Variants in MAGI1 observed in about 807,000 individuals in gnomAD.
MAGI1 encodes the protein membrane-associated guanylate kinase, WW and PDZ domain-containing protein 1.
MAGI1 carries 58 observed loss-of-function variants against 139.9 expected under a neutral mutation model. That is an observed-to-expected ratio of 0.41 (90% CI 0.34 to 0.52). MAGI1 has a LOEUF of 0.52. MAGI1 is among the 20% of genes least tolerant of loss of function. The probability of loss-of-function intolerance (pLI) is 0.12; values close to 1 mark genes in which losing one functional copy is unlikely to be tolerated. For synonymous variants in MAGI1, 812 were observed against 737.9 expected (o/e 1.10, Z -1.63); for missense variants, 1,874 against 1,901.6 (o/e 0.99, Z 0.27).
chr3:65,716,728 G>A (rs2107670479), intron 1 of MAGI1, among the ~76,000 whole-genome samples: 1 of 152,268 alleles, frequency 6.6e-6, no homozygotes, highest in East Asian at 1.9e-4. Flanking sequence ...AATAAACTCT[G>A]CATTCAATGA....
intron 1 of MAGI1, among the ~76,000 whole-genome samples, chr3:65,826,047 G>A (rs2042210671): frequency 6.6e-6 from 1 of 151,860 alleles, no homozygotes; most frequent in African/African-American, 2.4e-5. Context: ...GTATTTTATA[G>A]GTATACCACT....
chr3:66,000,022 G>C (rs1321092192), intron 1 of MAGI1, among the ~76,000 whole-genome samples: 2 of 137,574 alleles, frequency 1.5e-5, no homozygotes, highest in Admixed American at 1.7e-4. Flanking sequence ...CCCCAGGCTG[G>C]AGTGCAGTGG....
At chr3:65,968,243 A>G (rs1023650035) in intron 1 of MAGI1, among the ~76,000 whole-genome samples, 1 of 152,222 alleles carries the variant, frequency 6.6e-6, no homozygotes, top group African/African-American at 2.4e-5. Flanking sequence ...CACCTTTTGA[A>G]CCAGGAAAGT....
At chr3:66,014,049 G>A (rs374181074) in intron 1 of MAGI1, among the ~76,000 whole-genome samples, 1 of 152,252 alleles carries the variant, frequency 6.6e-6, no homozygotes, top group East Asian at 1.9e-4. Context: ...CCTGCTTGCT[G>A]TAAACTACAC....
chr3:65,678,114 T>G (rs528902992), intron 1 of MAGI1, among the ~76,000 whole-genome samples: 11 of 151,618 alleles, frequency 7.3e-5, no homozygotes, highest in Non-Finnish European at 1.5e-4. Flanking sequence ...TAAGTGGGAG[T>G]TGAACAATGA....
chr3:66,015,309 T>A (rs898151882), intron 1 of MAGI1, among the ~76,000 whole-genome samples: 1 of 152,004 alleles, frequency 6.6e-6, no homozygotes, highest in African/African-American at 2.4e-5. Flanking sequence ...GACCTGGATA[T>A]AAAGCCCTGG....
chr3:65,831,149 T>C (rs1173233418), intron 1 of MAGI1, among the ~76,000 whole-genome samples: 4 of 152,164 alleles, frequency 2.6e-5, no homozygotes, highest in Non-Finnish European at 5.9e-5. Flanking sequence ...TTTGTCCTGT[T>C]CCTCACTTCT....
chr3:65,803,214 G>A (rs1397894546), intron 1 of MAGI1, among the ~76,000 whole-genome samples: 1 of 152,066 alleles, frequency 6.6e-6, no homozygotes, highest in Non-Finnish European at 1.5e-5. Flanking sequence ...ATTAAAAATA[G>A]TATTAGGAAT....
At chr3:65,667,371 C>G (rs2107438202) in intron 1 of MAGI1, among the ~76,000 whole-genome samples, 1 of 152,160 alleles carries the variant, frequency 6.6e-6, no homozygotes, top group African/African-American at 2.4e-5. Flanking sequence ...TGGCCGATTC[C>G]TGGGAGAAAA....
At chr3:65,952,938 T>TA (rs2063938873) in intron 1 of MAGI1, among the ~76,000 whole-genome samples, 1 of 152,216 alleles carries the variant, frequency 6.6e-6, no homozygotes, top group African/African-American at 2.4e-5. Flanking sequence ...CATGTGCAGA[T>TA]ACTGTTCTAA....
At chr3:65,555,244 C>G (rs1471366632) in intron 2 of MAGI1, among the ~76,000 whole-genome samples, 1 of 152,172 alleles carries the variant, frequency 6.6e-6, no homozygotes, top group Non-Finnish European at 1.5e-5. Flanking sequence ...GCTGGGGAAT[C>G]AGCTATGAAC....
At chr3:65,982,563 A>T (rs1175954113) in intron 1 of MAGI1, among the ~76,000 whole-genome samples, 1 of 152,188 alleles carries the variant, frequency 6.6e-6, no homozygotes, top group Non-Finnish European at 1.5e-5. Context: ...TAATAAATCA[A>T]TGCTTTTAAT....
intron 1 of MAGI1, among the ~76,000 whole-genome samples, chr3:65,718,224 G>A (rs929863335): frequency 3.3e-5 from 5 of 151,972 alleles, no homozygotes; most frequent in African/African-American, 1.2e-4. Context: ...AGAAAGCCAT[G>A]ACCGGGCATT....
At chr3:65,959,601 T>TTTTTTA (rs1553738753) in intron 1 of MAGI1, among the ~76,000 whole-genome samples, 94 of 127,306 alleles carry the variant, frequency 7.4e-4, no homozygotes, top group Middle Eastern at 7.5e-3. Flanking sequence ...TCCCAGCATT[T>TTTTTTA]TTATTATTAT....
At chr3:65,370,357 A>G (rs995305117) in intron 18 of MAGI1, among the ~76,000 whole-genome samples, 12 of 152,324 alleles carry the variant, frequency 7.9e-5, no homozygotes, top group African/African-American at 2.4e-4. Context: ...TAACTAGAGA[A>G]GAGGCTTATT....
intron 2 of MAGI1, among the ~76,000 whole-genome samples, chr3:65,568,416 A>G (rs2080781662): frequency 6.6e-6 from 1 of 152,158 alleles, no homozygotes; most frequent in South Asian, 2.1e-4. Context: ...AACCTTAACC[A>G]TCATCAAATC....
At position 65,355,077 on chromosome 3, in the gene MAGI1, C is replaced by T. The variant is rs762467755; in HGVS notation, c.*1301G>A. ...ATTTTGGCTCAGCTAGGCAGTAATC[C>T]ACTTAAACCACATCCCGGGGCTACG... On this transcript the variant is annotated 3_prime_UTR_variant, in exon 23 of 23. Coordinates refer to ENST00000402939, the MANE Select transcript of MAGI1 (RefSeq NM_001033057.2). 1 of 152,588 alleles carries T rather than the reference C, an allele frequency of 6.6e-6. No homozygotes were observed. The highest frequency in any genetic ancestry group is 2.4e-5 in the African/African-American group (1 of 41,428). 9.5% of individuals were successfully genotyped at this position (152,588 alleles called of 1,614,324 possible).
intron 1 of MAGI1, among the ~76,000 whole-genome samples, chr3:66,035,499 G>A (rs2068865694): frequency 6.6e-6 from 1 of 152,194 alleles, no homozygotes; most frequent in Non-Finnish European, 1.5e-5. Flanking sequence ...ACATGGAAGA[G>A]GGAGCAGAAA....
At chr3:65,844,356 A>G in intron 1 of MAGI1, 1 of 327,588 alleles carries the variant, frequency 3.1e-6, no homozygotes, top group Non-Finnish European at 5.9e-6. Flanking sequence ...AAAAGGTACA[A>G]ATTGTTCCTA....
Sources: gnomAD v4.1 joint callset for allele counts (sites outside exome capture counted in the v4.1 genomes callset) on GRCh38, gnomAD v4.1.1 for gene constraint, MANE v1.5 for transcripts, NCBI Gene and HGNC (gene_info 2026-07-23, HGNC 2026-07-21) for gene names.